The following ABHD16A variants were observed in gnomAD, a reference collection of about 807,000 sequenced individuals.
The protein encoded by ABHD16A is abhydrolase domain containing 16A, phospholipase, also known as phosphatidylserine lipase ABHD16A.
ABHD16A carries 47 observed loss-of-function variants against 89.8 expected under a neutral mutation model. That is an observed-to-expected ratio of 0.52 (90% CI 0.41 to 0.67). The LOEUF (loss-of-function observed/expected upper bound fraction) is 0.67. ABHD16A is among the 30% of genes least tolerant of loss of function. ABHD16A has a pLI of 0.00. For missense variants in ABHD16A, 580 were observed against 734.6 expected, an observed-to-expected ratio of 0.79 and a Z score of 2.43; for synonymous variants, 251 against 280.4, an observed-to-expected ratio of 0.90 and a Z score of 1.05.
At chr6:31,701,941 G>C in intron 2 of ABHD16A, 133 bp downstream of exon 2, 1 of 889,862 alleles carries the variant, frequency 1.1e-6, no homozygotes, top group Non-Finnish European at 1.8e-6. Flanking sequence ...TGTCTGTGTT[G>C]GAGAGGTCTG....
intron 4 of ABHD16A, among the ~76,000 whole-genome samples, chr6:31,699,174 A>G (rs542451668): frequency 1.6e-4 from 24 of 152,096 alleles, no homozygotes; most frequent in Admixed American, 3.9e-4. Context: ...TGGGAGGCCG[A>G]GGCGGGTGGA....
chr6:31,695,908 G>A (rs1804342898), intron 5 of ABHD16A, among the ~76,000 whole-genome samples: 1 of 152,076 alleles, frequency 6.6e-6, no homozygotes, highest in African/African-American at 2.4e-5. Flanking sequence ...GCTCACGCCT[G>A]TAATCCCAGC....
At chr6:31,699,366 G>A (rs1430795683) in intron 4 of ABHD16A, among the ~76,000 whole-genome samples, 38 of 130,976 alleles carry the variant, frequency 2.9e-4, no homozygotes, top group Admixed American at 2.7e-3. Context: ...CCGAGATCGC[G>A]CCACTGCACT....
chr6:31,690,481 G>A lies in ABHD16A; in HGVS notation c.907+58C>T. 1.3e-6 allele frequency: 2 copies of A among 1,577,442 alleles called. No individual in the cohort carries two copies. Among genetic ancestry groups the A allele is most frequent in the South Asian group, 1.1e-5 (1 of 90,320 alleles). ...GCCAGGGGAGGTCAGGTCAGTGTGG[G>A]AGGCAGGGACATTCCCTTTCAAAGG... On this transcript the variant is annotated intron_variant, in intron 10 of 19. Transcript: ENST00000395952. This position sits in a 1 kb window ranked among gnomAD's most constrained non-coding sequence, Gnocchi z 4.1.
intron 7 of ABHD16A, chr6:31,692,261 C>A (rs1803962143): frequency 4.3e-6 from 1 of 234,702 alleles, no homozygotes; most frequent in Non-Finnish European, 8.2e-6. Flanking sequence ...ATAAGTACAA[C>A]ATATTAAAGG....
chr6:31,698,631 G>A lies in ABHD16A; in HGVS notation c.344-1598C>T, dbSNP rs146260595. Among the ~76,000 whole-genome samples the A allele has an allele frequency of 7.7e-3, 1,167 of 151,950 alleles. 14 individuals carry two copies. Among genetic ancestry groups the A allele is most frequent in the African/African-American group, 0.023 (958 of 41,420 alleles). On this transcript the variant is annotated intron_variant, in intron 4 of 19. Coordinates refer to ENST00000395952, the MANE Select transcript of ABHD16A (RefSeq NM_021160.3). This position sits in a 1 kb window ranked among gnomAD's most constrained non-coding sequence, Gnocchi z 4.1. ...CTCCCAAATAGCTGGGATTACAAGC[G>A]CCCGCCACCATGCACAGCTAATTTT...
intron 8 of ABHD16A, 51 bp downstream of exon 8, chr6:31,691,753 T>TGGGGGGGGGGGGGGGGGG: frequency 1.4e-5 from 5 of 357,812 alleles, no homozygotes; most frequent in East Asian, 1.2e-4. Context: ...GCGGGGTGGG[T>TGGGGGGGGGGGGGGGGGG]GGGGGTGAGA....
chr6:31,694,387 C>CTGTTTTTTTTT (rs1804193979), intron 5 of ABHD16A, among the ~76,000 whole-genome samples: 1 of 77,720 alleles, frequency 1.3e-5, no homozygotes, highest in Non-Finnish European at 2.3e-5. Flanking sequence ...GGAGCTGTGT[C>CTGTTTTTTTTT]TTTTTTTTTT....
At position 31,688,956 on chromosome 6, in the gene ABHD16A, C is replaced by A. The variant is rs1803574073; in HGVS notation, c.1186+59G>T. 1 of 1,523,716 alleles carries A rather than the reference C, an allele frequency of 6.6e-7. No homozygotes were observed. Among genetic ancestry groups the A allele is most frequent in the African/African-American group, 1.4e-5 (1 of 72,756 alleles). 94.4% of individuals were successfully genotyped at this position (1,523,716 alleles called of 1,614,324 possible). A position where few individuals can be genotyped will look rare whatever the true frequency, so the allele number is the denominator to read the frequency against. On this transcript the variant is annotated intron_variant, in intron 13 of 19. Transcript: ENST00000395952. The surrounding 1 kb of genome is among the most constrained non-coding windows in gnomAD (Gnocchi z 4.9). The stretch of plus-strand genomic sequence containing the variant: ...CCAAGAAAAGGGAGCCATCTCAGAA[C>A]AGTTCCCAGTTCCAGCCCACCCCTT...
At chr6:31,695,654 C>T (rs1248057784) in intron 5 of ABHD16A, among the ~76,000 whole-genome samples, 2 of 151,184 alleles carry the variant, frequency 1.3e-5, no homozygotes, top group African/African-American at 2.4e-5. Flanking sequence ...ACCCAGGAGG[C>T]GGAGGTTGCA....
At position 31,688,910 on chromosome 6, in the gene ABHD16A, A is replaced by G; in HGVS notation, c.1186+105T>C. On this transcript the variant is annotated intron_variant, in intron 13 of 19. Transcript: ENST00000395952. This position sits in a 1 kb window ranked among gnomAD's most constrained non-coding sequence, Gnocchi z 4.9. ...CAAAGGAGTCCTCCTGCTTCCAACA[A>G]TGGGGCGACTTACTCCCCACCCAAG... is the stretch of plus-strand genomic sequence containing the variant. The G allele has an allele frequency of 1.4e-6, 2 of 1,401,706 alleles. No homozygotes were observed. The highest frequency in any genetic ancestry group is 9.9e-7 in the Non-Finnish European group (1 of 1,014,698). The allele number at this position is 1,401,706 out of a possible 1,614,324, so 86.8% of individuals were successfully genotyped here. A position where few individuals can be genotyped will look rare whatever the true frequency, so the allele number is the denominator to read the frequency against.
In ABHD16A at chr6:31,691,841, G is replaced by A; in HGVS notation, c.704C>T (p.Pro235Leu). Residue 235 changes from proline (P) to leucine (L), a missense_variant, in exon 8 of 20, where the codon CCT becomes CTT. This residue lies in a region of ABHD16A where 415 missense variants were observed against 568.8 expected (regional missense o/e 0.73). Coordinates refer to ENST00000395952, the MANE Select transcript of ABHD16A (RefSeq NM_021160.3). ...TCGGGCCTGGCCCTGCAGCAGCACA[G>A]GCATGAGGGCCTTCTGCAGCAGGTA... Reference protein sequence around the residue: ...SVYLLQKALMPVLLQGQARLV... With the variant: ...SVYLLQKALMLVLLQGQARLV... 6.2e-7 allele frequency: 1 copy of A among 1,611,802 alleles called. No individual in the cohort carries two copies. Among genetic ancestry groups the A allele is most frequent in the Non-Finnish European group, 8.5e-7 (1 of 1,179,780 alleles).
At position 31,687,791 on chromosome 6, in the gene ABHD16A, C is replaced by G. The variant is rs878907313; in HGVS notation, c.1447+33G>C. 6.2e-7 allele frequency: 1 copy of G among 1,612,902 alleles called. No homozygotes were observed. The highest frequency in any genetic ancestry group is 8.5e-7 in the Non-Finnish European group (1 of 1,179,958). On this transcript the variant is annotated intron_variant, in intron 17 of 19. Coordinates refer to ENST00000395952, the MANE Select transcript of ABHD16A (RefSeq NM_021160.3). This position sits in a 1 kb window ranked among gnomAD's most constrained non-coding sequence, Gnocchi z 6.3. ...AGTCAGCAACCTGACCTTGCTGGGC[C>G]CCCGCCCCAAGCCTCACTGGATCCC...
At position 31,693,441 on chromosome 6, in the gene ABHD16A, G is replaced by A; in HGVS notation, c.430-9C>T. On this transcript the variant is annotated splice_polypyrimidine_tract_variant and intron_variant, in intron 5 of 19. Transcript: ENST00000395952. This position sits in a 1 kb window ranked among gnomAD's most constrained non-coding sequence, Gnocchi z 5.0. Reference sequence around the variant, plus strand: ...TAGTTGGCAAGCTGCCTCTGCAGTGGGCACGAGAGGCAAAGGGGTACTGAG... The same window carrying A: ...TAGTTGGCAAGCTGCCTCTGCAGTGAGCACGAGAGGCAAAGGGGTACTGAG... 4 of 1,612,774 alleles carry A rather than the reference G, an allele frequency of 2.5e-6. No individual in the cohort carries two copies. Among genetic ancestry groups the A allele is most frequent in the Non-Finnish European group, 3.4e-6 (4 of 1,179,936 alleles).
rs1803546214 is a variant in ABHD16A at position 31,688,710 on chromosome 6, G to T, written c.1250+13C>A. ...GGGCAGGTGTTCAATGCCGGACGCT[G>T]GCCGGCCCTCACCTGCACAGCTGCT... On this transcript the variant is annotated intron_variant, in intron 14 of 19. Transcript: ENST00000395952. This position sits in a 1 kb window ranked among gnomAD's most constrained non-coding sequence, Gnocchi z 4.9. The T allele has an allele frequency of 6.2e-7, 1 of 1,612,816 alleles. No individual in the cohort carries two copies. The highest frequency in any genetic ancestry group is 8.5e-7 in the Non-Finnish European group (1 of 1,179,914).
In ABHD16A at chr6:31,703,250, G is replaced by A; in HGVS notation, c.32C>T (p.Pro11Leu). 3 of 1,419,144 alleles carry A rather than the reference G, an allele frequency of 2.1e-6. No individual in the cohort carries two copies. Among genetic ancestry groups the A allele is most frequent in the Non-Finnish European group, 2.8e-6 (3 of 1,074,438 alleles). The allele number at this position is 1,419,144 out of a possible 1,614,324, so 87.9% of individuals were successfully genotyped here. A position where few individuals can be genotyped will look rare whatever the true frequency, so the allele number is the denominator to read the frequency against. The change falls in exon 1 of 20, where the codon CCC becomes CTC. Residue 11 changes from proline (P) to leucine (L), a missense_variant. This residue lies in a region of ABHD16A where 165 missense variants were observed against 165.8 expected (regional missense o/e 1.00). Coordinates refer to ENST00000395952, the MANE Select transcript of ABHD16A (RefSeq NM_021160.3). MAKLLSCVLGPRLYKIYRERD... is the reference protein window; with the variant it reads MAKLLSCVLGLRLYKIYRERD... ...CTCCCGGTAGATTTTGTAGAGCCGG[G>A]GGCCTAGGACGCAGCTCAGCAGCTT...
rs1048475346 is a variant in ABHD16A, at chr6:31,688,974, C to T, written c.1186+41G>A. 2 of 1,578,142 alleles carry T rather than the reference C, an allele frequency of 1.3e-6. No individual in the cohort carries two copies. The highest frequency in any genetic ancestry group is 1.4e-5 in the African/African-American group (1 of 73,982). On this transcript the variant is annotated intron_variant, in intron 13 of 19. Transcript: ENST00000395952. The surrounding 1 kb of genome is among the most constrained non-coding windows in gnomAD (Gnocchi z 4.9). ...CTCAGAACAGTTCCCAGTTCCAGCC[C>T]ACCCCTTCCCAGGAAGGGCAGGCCT...
At chr6:31,700,655 G>C (rs575330030) in intron 4 of ABHD16A, among the ~76,000 whole-genome samples, 11 of 151,790 alleles carry the variant, frequency 7.2e-5, no homozygotes, top group Non-Finnish European at 1.6e-4. Flanking sequence ...CCAGTACTTC[G>C]GGAGGCTGAG....
At position 31,696,828 on chromosome 6, in the gene ABHD16A, G is replaced by T. The variant is rs757367812; in HGVS notation, c.429+120C>A. ...ACAGCAATGTGCAAGCAAACACCCA[G>T]TGTGGTGGGTGGTAAAACACACCTC... On this transcript the variant is annotated intron_variant, in intron 5 of 19. Coordinates refer to ENST00000395952, the MANE Select transcript of ABHD16A (RefSeq NM_021160.3). 1.7e-5 allele frequency: 16 copies of T among 930,948 alleles called. No individual in the cohort carries two copies. In the South Asian group the frequency reaches 1.8e-4, roughly 11 times the overall value. The allele number at this position is 930,948 out of a possible 1,614,324, so 57.7% of individuals were successfully genotyped here. A position where few individuals can be genotyped will look rare whatever the true frequency, so the allele number is the denominator to read the frequency against.
Sources: gnomAD v4.1 joint callset for allele counts (sites outside exome capture counted in the v4.1 genomes callset) on GRCh38, gnomAD v4.1.1 for gene constraint, gnomAD v4.1.1 regional missense constraint, Gnocchi (gnomAD v3.1) non-coding constraint, MANE v1.5 for transcripts, NCBI Gene and HGNC (gene_info 2026-07-23, HGNC 2026-07-21) for gene names.